PEMT: variants seen among roughly 807,000 people sequenced by gnomAD.
PEMT encodes phospholipid methyltransferase.
PEMT carries 23 observed loss-of-function variants against 27.4 expected under a neutral mutation model. The ratio of observed to expected loss-of-function variants is 0.84; its 90% CI spans 0.60 to 1.19. The LOEUF (loss-of-function observed/expected upper bound fraction) is 1.19, where lower values mean the gene tolerates loss of function less well. Among genes scored for constraint, PEMT ranks in the 50% most tolerant of loss-of-function variants. The pLI is 0.00. For synonymous variants in PEMT, 137 were observed against 139.1 expected, an observed-to-expected ratio of 0.98 and a Z score of 0.11; for missense variants, 307 against 310.1, an observed-to-expected ratio of 0.99 and a Z score of 0.07.
chr17:17,552,533 C>T (rs867072893), intron 2 of PEMT, among the ~76,000 whole-genome samples: 2 of 152,234 alleles, frequency 1.3e-5, no homozygotes, highest in African/African-American at 2.4e-5. Context: ...TCACCCGCGG[C>T]GCACCCAAGC....
intron 2 of PEMT, among the ~76,000 whole-genome samples, chr17:17,575,408 G>A (rs539470302): frequency 2.0e-5 from 3 of 152,382 alleles, no homozygotes; most frequent in South Asian, 4.1e-4. Context: ...TTCACAGGAT[G>A]TGGACGTCTT....
At chr17:17,567,400 C>T (rs1910898989) in intron 2 of PEMT, among the ~76,000 whole-genome samples, 1 of 152,286 alleles carries the variant, frequency 6.6e-6, no homozygotes, top group Non-Finnish European at 1.5e-5. Flanking sequence ...CAGCAGCACA[C>T]AGAGTAATGC....
chr17:17,506,054 G>A (rs1905805778), intron 6 of PEMT, among the ~76,000 whole-genome samples, 173 bp downstream of exon 6: 1 of 152,176 alleles, frequency 6.6e-6, no homozygotes. Context: ...TGCCTGCTGG[G>A]TCCTGCAGGC....
At chr17:17,525,488 G>A (rs985737583) in intron 2 of PEMT, among the ~76,000 whole-genome samples, 17 of 152,236 alleles carry the variant, frequency 1.1e-4, no homozygotes, top group South Asian at 6.2e-4. Flanking sequence ...AGCGGGTGCC[G>A]GACGCAGTCG....
At position 17,513,188 on chromosome 17, in the gene PEMT, T is replaced by A. The variant is rs1906552510; in HGVS notation, c.321-534A>T. Among the ~76,000 whole-genome samples, 1 of 152,230 alleles carries A rather than the reference T, an allele frequency of 6.6e-6. No homozygotes were observed. On this transcript the variant is annotated intron_variant, in intron 3 of 6. Coordinates refer to ENST00000255389, the MANE Select transcript of PEMT (RefSeq NM_148172.3). This position sits in a 1 kb window ranked among gnomAD's most constrained non-coding sequence, Gnocchi z 4.1. ...CACAGCCCCTGTGGGTCTGGCCACA[T>A]CCTGGGTGGCTTGACTTGCATTTAA...
At chr17:17,592,133 G>C (rs1912622893), upstream of PEMT, 6 of 982,752 alleles carry the variant, frequency 6.1e-6, no homozygotes, top group Non-Finnish European at 6.0e-6. Flanking sequence ...TCTGAAATTC[G>C]CTTTACTCTG....
intron 2 of PEMT, among the ~76,000 whole-genome samples, chr17:17,573,920 T>C (rs1477802351): frequency 6.6e-6 from 1 of 152,146 alleles, no homozygotes; most frequent in Non-Finnish European, 1.5e-5. Context: ...TAGCTGGGAC[T>C]ACAGGTGCAC....
intron 2 of PEMT, among the ~76,000 whole-genome samples, chr17:17,556,717 C>T (rs1456562016): frequency 1.3e-5 from 2 of 152,156 alleles, no homozygotes; most frequent in Non-Finnish European, 2.9e-5. Context: ...ATGGGGCTGT[C>T]TGAAGCCTCC....
chr17:17,576,876 C>T, intron 2 of PEMT, 44 bp downstream of exon 2: 6 of 1,481,696 alleles, frequency 4.0e-6, no homozygotes, highest in Non-Finnish European at 5.7e-6. Context: ...GCTCACCAAG[C>T]AGTGAGATAC....
At position 17,582,717 on chromosome 17, in the gene PEMT, T is replaced by C. The variant is rs1308716265; in HGVS notation, c.97-5690A>G. On this transcript the variant is annotated intron_variant, in intron 1 of 6. Coordinates refer to ENST00000255389, the MANE Select transcript of PEMT (RefSeq NM_148172.3). This position sits in a 1 kb window ranked among gnomAD's most constrained non-coding sequence, Gnocchi z 4.9. Reference sequence around the variant, plus strand: ...TTAGGGCAACTTTGGGTTAGAGCCCTGTGCCTGGCACAAAGACATAAGGAT... The same window carrying C: ...TTAGGGCAACTTTGGGTTAGAGCCCCGTGCCTGGCACAAAGACATAAGGAT... Among the ~76,000 whole-genome samples, 1 of 152,210 alleles carries C rather than the reference T, an allele frequency of 6.6e-6. No individual in the cohort carries two copies. Among genetic ancestry groups the C allele is most frequent in the Non-Finnish European group, 1.5e-5 (1 of 68,040 alleles).
rs1435518088 is a variant in PEMT at position 17,561,631 on chromosome 17, G to A, written c.204+15289C>T. Among the ~76,000 whole-genome samples, 1 of 152,178 alleles carries A rather than the reference G, an allele frequency of 6.6e-6. No individual in the cohort carries two copies. The highest frequency in any genetic ancestry group is 1.9e-4 in the East Asian group (1 of 5,192). ...CAGTGAGCCAGGCAGCTGTGCCTGG[G>A]TCACAGATGAGAATACCAAGGCTCG... On this transcript the variant is annotated intron_variant, in intron 2 of 6. Transcript: ENST00000255389. This position sits in a 1 kb window ranked among gnomAD's most constrained non-coding sequence, Gnocchi z 4.5.
chr17:17,539,980 C>T (rs1908766937), intron 2 of PEMT, among the ~76,000 whole-genome samples: 1 of 152,198 alleles, frequency 6.6e-6, no homozygotes, highest in Admixed American at 6.5e-5. Context: ...AGCAGGAGGG[C>T]CCACCCCAGG....
chr17:17,516,249 T>C (rs1906825563), intron 3 of PEMT, among the ~76,000 whole-genome samples: 1 of 152,126 alleles, frequency 6.6e-6, no homozygotes, highest in Admixed American at 6.5e-5. Flanking sequence ...AGTCGTCTGA[T>C]GGGCTCATTT....
chr17:17,520,089 C>T (rs370815602), intron 3 of PEMT, among the ~76,000 whole-genome samples: 18 of 152,212 alleles, frequency 1.2e-4, no homozygotes, highest in Non-Finnish European at 2.1e-4. Context: ...TCTTCAGCCT[C>T]GCTGTTCCTG....
intron 1 of PEMT, among the ~76,000 whole-genome samples, chr17:17,581,156 G>C (rs1911952393): frequency 6.6e-6 from 1 of 152,162 alleles, no homozygotes. Flanking sequence ...CTTCCTGAGT[G>C]TAAATGATCT....
intron 3 of PEMT, among the ~76,000 whole-genome samples, chr17:17,519,294 A>G (rs897456): frequency 0.13 from 20,357 of 152,150 alleles, 2,144 homozygotes; most frequent in African/African-American, 0.28. Flanking sequence ...GCCTCTGAAC[A>G]CAAAAGGTGA....
At chr17:17,550,652 T>C (rs915060031) in intron 2 of PEMT, among the ~76,000 whole-genome samples, 6 of 152,206 alleles carry the variant, frequency 3.9e-5, no homozygotes, top group Non-Finnish European at 8.8e-5. Flanking sequence ...GACAATTACT[T>C]GTATTCATTC....
At chr17:17,509,593 C>CCA (rs1472316713) in intron 4 of PEMT, 48 bp from the exon 5 acceptor site, 8 of 1,313,310 alleles carry the variant, frequency 6.1e-6, no homozygotes, top group Non-Finnish European at 8.8e-6. Context: ...TCAGCCCTGG[C>CCA]CACACCATCA....
intron 2 of PEMT, among the ~76,000 whole-genome samples, chr17:17,550,280 G>A (rs1909557985): frequency 6.6e-6 from 1 of 152,212 alleles, no homozygotes; most frequent in Non-Finnish European, 1.5e-5. Flanking sequence ...CTGTTCCAGG[G>A]CCTGCTGCCG....
Sources: gnomAD v4.1 joint callset for allele counts (sites outside exome capture counted in the v4.1 genomes callset) on GRCh38, gnomAD v4.1.1 for gene constraint, Gnocchi (gnomAD v3.1) non-coding constraint, MANE v1.5 for transcripts, NCBI Gene and HGNC (gene_info 2026-07-23, HGNC 2026-07-21) for gene names.